The following RBFOX1 variants were observed in gnomAD, a reference collection of about 807,000 sequenced individuals.
RBFOX1 encodes RNA binding fox-1 homolog 1, also known as RNA binding protein fox-1 homolog 1.
A neutral mutation model predicts 57.7 loss-of-function variants in RBFOX1; 8 were observed. That is an observed-to-expected ratio of 0.14 (90% CI 0.08 to 0.25). The LOEUF (loss-of-function observed/expected upper bound fraction) is 0.25. RBFOX1 is among the 10% of genes least tolerant of loss of function. The pLI is 1.00. For missense variants in RBFOX1, 611 were observed against 548.5 expected (o/e 1.11, Z -1.14); for synonymous variants, 326 against 222.4 (o/e 1.47, Z -4.15).
At chr16:5,985,357 C>T (rs56204843) in intron 4 of RBFOX1, among the ~76,000 whole-genome samples, 1 of 151,996 alleles carries the variant, frequency 6.6e-6, no homozygotes, top group Non-Finnish European at 1.5e-5. Context: ...GAAACTCATT[C>T]TGCAGTTCAG....
At chr16:7,249,587 T>A (rs2094435295) in intron 4 of RBFOX1, among the ~76,000 whole-genome samples, 1 of 143,776 alleles carries the variant, frequency 7.0e-6, no homozygotes, top group Admixed American at 6.9e-5. Flanking sequence ...TCCTTCTTCA[T>A]AGGCTTCTTT....
At chr16:7,404,308 C>G (rs1209962314) in intron 4 of RBFOX1, among the ~76,000 whole-genome samples, 1 of 152,150 alleles carries the variant, frequency 6.6e-6, no homozygotes, top group Non-Finnish European at 1.5e-5. Context: ...CTGCCTCAGC[C>G]TCCCAAAGTG....
intron 2 of RBFOX1, among the ~76,000 whole-genome samples, chr16:6,503,555 T>C (rs1004679817): frequency 2.0e-5 from 3 of 152,212 alleles, no homozygotes; most frequent in African/African-American, 7.2e-5. Flanking sequence ...ACACACATAC[T>C]TGGTGATTTG....
chr16:5,242,959 G>T (rs1006648631), intron 1 of RBFOX1, among the ~76,000 whole-genome samples: 1 of 147,720 alleles, frequency 6.8e-6, no homozygotes, highest in African/African-American at 2.5e-5. Context: ...CCTGCTGCAG[G>T]GCATGTGATT....
chr16:6,787,605 C>A lies in RBFOX1; in HGVS notation c.-16+132955C>A, dbSNP rs983764642. On this transcript the variant is annotated intron_variant, in intron 3 of 15. Transcript: ENST00000550418. ...TGTGACACCCTTCACAGTCTCTGTT[C>A]TCCATCCACTGTGACCTTGGAGGCC... 5.1e-4 allele frequency among the ~76,000 whole-genome samples: 78 copies of A among 152,098 alleles called. 1 individual carries two copies. The highest frequency in any genetic ancestry group is 1.9e-3 in the African/African-American group (77 of 41,402).
At chr16:5,995,290 A>G (rs560363519) in intron 4 of RBFOX1, among the ~76,000 whole-genome samples, 1 of 152,206 alleles carries the variant, frequency 6.6e-6, no homozygotes, top group African/African-American at 2.4e-5. Context: ...ATAGTTGCAC[A>G]TATATCTTAG....
intron 3 of RBFOX1, among the ~76,000 whole-genome samples, chr16:6,775,153 G>C (rs1032294600): frequency 2.1e-4 from 30 of 143,022 alleles, no homozygotes; most frequent in Admixed American, 1.8e-3. Context: ...GTGAAACCCC[G>C]TCTCTACTAA....
intron 1 of RBFOX1, among the ~76,000 whole-genome samples, chr16:5,387,851 G>T (rs1320879727): frequency 6.6e-6 from 1 of 152,138 alleles, no homozygotes; most frequent in African/African-American, 2.4e-5. Context: ...TGTCCCAGCG[G>T]GATTGATGTA....
At position 6,998,398 on chromosome 16, in the gene RBFOX1, A is replaced by G. The variant is rs900646959; in HGVS notation, c.-15-53659A>G. 4.6e-5 allele frequency among the ~76,000 whole-genome samples: 7 copies of G among 152,148 alleles called. 1 individual carries two copies. Among genetic ancestry groups the G allele is most frequent in the African/African-American group, 1.7e-4 (7 of 41,434 alleles). On this transcript the variant is annotated intron_variant, in intron 3 of 15. Transcript: ENST00000550418. ...CTACAGATGGTGAAAACTAATCTGA[A>G]GGGGGCAAAATGAAGCCAGTGAGAC...
intron 4 of RBFOX1, among the ~76,000 whole-genome samples, chr16:5,988,171 G>C (rs1173396057): frequency 6.6e-6 from 1 of 152,162 alleles, no homozygotes; most frequent in Non-Finnish European, 1.5e-5. Flanking sequence ...ATTTTCAGGA[G>C]GTGCAAATGT....
At chr16:6,140,332 C>T (rs1345645602) in intron 1 of RBFOX1, among the ~76,000 whole-genome samples, 1 of 152,076 alleles carries the variant, frequency 6.6e-6, no homozygotes, top group Non-Finnish European at 1.5e-5. Flanking sequence ...GCTGGGATTA[C>T]AGGCATGTGC....
intron 4 of RBFOX1, among the ~76,000 whole-genome samples, chr16:7,166,805 C>G (rs9927228): frequency 6.6e-6 from 1 of 152,024 alleles, no homozygotes; most frequent in East Asian, 1.9e-4. Context: ...GAGTGCTGCT[C>G]CAACCCATGC....
At position 5,856,962 on chromosome 16, in the gene RBFOX1, A is replaced by G. The variant is rs544120099; in HGVS notation, c.319-10341A>G. Among the ~76,000 whole-genome samples the G allele has an allele frequency of 1.9e-3, 288 of 152,266 alleles. 2 individuals are homozygous for G. Among genetic ancestry groups the G allele is most frequent in the African/African-American group, 6.7e-3 (278 of 41,554 alleles). On this transcript the variant is annotated intron_variant, in intron 3 of 19. Transcript: ENST00000641259. ...TTTCAGTAACTTTTCTTTTGCATAC[A>G]CAACGTGGATAACTGTTTGGGGGAA...
rs966550175 is a variant in RBFOX1 at position 7,428,257 on chromosome 16, C to T, written c.28-89890C>T. Among the ~76,000 whole-genome samples, 6 of 151,474 alleles carry T rather than the reference C, an allele frequency of 4.0e-5. No individual in the cohort carries two copies. In the East Asian group the frequency reaches 7.8e-4, roughly 20 times the overall value. On this transcript the variant is annotated intron_variant, in intron 4 of 15. Transcript: ENST00000550418. The stretch of plus-strand genomic sequence containing the variant: ...TAGCATTGCTATTGGCATATCGTCA[C>T]TGCAGTCAACTTTTTTTGTTGAATA...
At chr16:5,508,541 AT>A (rs2151715701) in intron 2 of RBFOX1, among the ~76,000 whole-genome samples, 1 of 152,220 alleles carries the variant, frequency 6.6e-6, no homozygotes, top group African/African-American at 2.4e-5. Context: ...GCACAGAGTG[AT>A]TGCACAGAGT....
chr16:7,615,305 C>A (rs1427593517), intron 10 of RBFOX1, among the ~76,000 whole-genome samples: 1 of 151,204 alleles, frequency 6.6e-6, no homozygotes, highest in Non-Finnish European at 1.5e-5. Context: ...TGCACTCCAG[C>A]CTGGGCAATA....
At chr16:7,504,735 A>ATATATATATTTT (rs2072333100) in intron 4 of RBFOX1, among the ~76,000 whole-genome samples, 7 of 13,130 alleles carry the variant, frequency 5.3e-4, no homozygotes, top group African/African-American at 1.8e-3. Context: ...ATATATATAT[A>ATATATATATTTT]TATATATATA....
chr16:5,533,589 G>T (rs925714170), intron 2 of RBFOX1, among the ~76,000 whole-genome samples: 1 of 152,148 alleles, frequency 6.6e-6, no homozygotes, highest in African/African-American at 2.4e-5. Flanking sequence ...TCCCTCCTGG[G>T]CCCCAGTAGA....
chr16:7,342,808 C>G (rs1277848884), intron 4 of RBFOX1, among the ~76,000 whole-genome samples: 1 of 152,160 alleles, frequency 6.6e-6, no homozygotes, highest in Non-Finnish European at 1.5e-5. Flanking sequence ...CCTCTTCCCA[C>G]TCCCTAAGCC....
Sources: gnomAD v4.1 joint callset for allele counts (sites outside exome capture counted in the v4.1 genomes callset) on GRCh38, gnomAD v4.1.1 for gene constraint, MANE v1.5 for transcripts, NCBI Gene and HGNC (gene_info 2026-07-23, HGNC 2026-07-21) for gene names.